Variants in CSMD1 observed in about 807,000 individuals in gnomAD.
The protein encoded by CSMD1 is CUB and sushi domain-containing protein 1.
In CSMD1, 213 loss-of-function variants were observed where a neutral mutation model predicts 417.5. That is an observed-to-expected ratio of 0.51 (90% CI 0.46 to 0.57). The LOEUF is 0.57. CSMD1 is among the 20% of genes least tolerant of loss of function. The probability of loss-of-function intolerance (pLI) is 0.00; values close to 1 mark genes in which losing one functional copy is unlikely to be tolerated. For missense variants in CSMD1, 6,923 were observed against 4,529.7 expected (o/e 1.53, Z -15.17); for synonymous variants, 2,862 against 1,736.8 (o/e 1.65, Z -16.11).
intron 7 of CSMD1, 144 bp downstream of exon 7, chr8:3,708,270 C>T: frequency 1.5e-6 from 1 of 664,120 alleles, no homozygotes; most frequent in South Asian, 1.9e-5. Flanking sequence ...CATGTTCTTT[C>T]TCCCAGAAAA....
rs17065981 is a variant in CSMD1 at position 3,369,677 on chromosome 8, C to T, written c.2783-307G>A. Among the ~76,000 whole-genome samples the T allele has an allele frequency of 1.0e-2, 1,517 of 152,278 alleles. 31 individuals carry two copies. The highest frequency in any genetic ancestry group is 0.035 in the African/African-American group (1,441 of 41,552). On this transcript the variant is annotated intron_variant, in intron 18 of 69. Transcript: ENST00000635120. ...GGTACAGGTTTGCACTCCTGAGAGC[C>T]GCTGGTCTTCTTAGCAGCACTTCAT...
At chr8:4,609,675 G>C (rs890894324) in intron 2 of CSMD1, among the ~76,000 whole-genome samples, 2 of 152,102 alleles carry the variant, frequency 1.3e-5, no homozygotes. Context: ...ATTTTACGCT[G>C]CAGATTGTAC....
chr8:3,527,344 G>C (rs1434804764), intron 10 of CSMD1, among the ~76,000 whole-genome samples: 1 of 152,110 alleles, frequency 6.6e-6, no homozygotes, highest in Non-Finnish European at 1.5e-5. Context: ...CTTTCAAAAA[G>C]CCATTCTAAA....
At chr8:4,167,752 G>T (rs777888995) in intron 3 of CSMD1, among the ~76,000 whole-genome samples, 1 of 152,200 alleles carries the variant, frequency 6.6e-6, no homozygotes, top group Non-Finnish European at 1.5e-5. Context: ...CACTTTTAGA[G>T]ACCAAGGCAG....
chr8:4,388,354 G>A (rs1008303717), intron 3 of CSMD1, among the ~76,000 whole-genome samples: 4 of 143,502 alleles, frequency 2.8e-5, no homozygotes, highest in Admixed American at 2.1e-4. Flanking sequence ...ACGAACACAT[G>A]ATGGACTGCT....
chr8:4,155,539 G>C (rs1402578968), intron 3 of CSMD1, among the ~76,000 whole-genome samples: 4 of 152,142 alleles, frequency 2.6e-5, no homozygotes, highest in Non-Finnish European at 2.9e-5. Flanking sequence ...AAAAAGTTAA[G>C]TCTTAGGCCA....
At chr8:4,372,945 C>G (rs991307338) in intron 3 of CSMD1, among the ~76,000 whole-genome samples, 3 of 152,180 alleles carry the variant, frequency 2.0e-5, no homozygotes, top group Non-Finnish European at 4.4e-5. Context: ...TGATTTGCTT[C>G]CGAAGAGTGC....
At position 4,935,570 on chromosome 8, in the gene CSMD1, A is replaced by G. The variant is rs771392642; in HGVS notation, c.85+58762T>C. On this transcript the variant is annotated intron_variant, in intron 1 of 69. Coordinates refer to ENST00000635120, the MANE Select transcript of CSMD1 (RefSeq NM_033225.6). ...GTTATACACTTTTTTCTGAATTTCA[A>G]TATTTTCAGCAAAAAGTCTATAAGC... Among the ~76,000 whole-genome samples, 12 of 152,354 alleles carry G rather than the reference A, an allele frequency of 7.9e-5. No individual in the cohort carries two copies. The South Asian group carries it at 1.0e-3, about 13-fold the overall frequency.
In CSMD1 at chr8:3,205,544, A is replaced by C. The variant is rs775380377; in HGVS notation, c.4944T>G (p.Gly1648=). ...CCGTGATGGAATAGAGGCATATTTGACCAGCTGTGTAATTATGGGGGTAGT... is the reference window on the plus strand; with the variant it reads ...CCGTGATGGAATAGAGGCATATTTGCCCAGCTGTGTAATTATGGGGGTAGT... The part of the protein sequence containing the change: ...SPNYPHNYTA[G]QICLYSITVP... The change falls in exon 31 of 70, where the codon GGT becomes GGG. Residue 1648 remains glycine (G), a synonymous_variant. Coordinates refer to ENST00000635120, the MANE Select transcript of CSMD1 (RefSeq NM_033225.6). 15 of 1,601,398 alleles carry C rather than the reference A, an allele frequency of 9.4e-6. No individual in the cohort carries two copies. The South Asian group carries it at 1.7e-4, about 18-fold the overall frequency.
chr8:3,144,806 AG>A (rs1563083876), intron 40 of CSMD1, among the ~76,000 whole-genome samples: 2 of 18,300 alleles, frequency 1.1e-4, no homozygotes, highest in African/African-American at 4.1e-4. Flanking sequence ...GGGGGGGGGG[AG>A]GGAGGGAGGG....
intron 6 of CSMD1, among the ~76,000 whole-genome samples, chr8:3,752,660 C>T (rs1271581672): frequency 6.9e-6 from 1 of 144,272 alleles, no homozygotes; most frequent in African/African-American, 2.6e-5. Context: ...TCCACTGCCA[C>T]CCACTCCCCG....
intron 5 of CSMD1, among the ~76,000 whole-genome samples, chr8:3,870,155 A>G (rs1239354436): frequency 6.6e-6 from 1 of 152,184 alleles, no homozygotes; most frequent in African/African-American, 2.4e-5. Context: ...TTATTTTACA[A>G]TTTGAATCTT....
chr8:4,901,787 G>GCATAATAAATATTTATATTTATTAT (rs1202310537), intron 1 of CSMD1, among the ~76,000 whole-genome samples: 3 of 152,112 alleles, frequency 2.0e-5, no homozygotes, highest in Admixed American at 2.0e-4. Flanking sequence ...TTCCTTGGAG[G>GCATAATAAATATTTATATTTATTAT]GAGGCACAAT....
intron 1 of CSMD1, among the ~76,000 whole-genome samples, chr8:4,955,619 C>G (rs543924219): frequency 6.6e-6 from 1 of 152,210 alleles, no homozygotes; most frequent in South Asian, 2.1e-4. Context: ...CTACACCCGG[C>G]TAATTTTTGT....
In CSMD1 at chr8:3,458,850, C is replaced by T. The variant is rs942842577; in HGVS notation, c.1561+9862G>A. On this transcript the variant is annotated intron_variant, in intron 12 of 69. Transcript: ENST00000635120. ...AAAATGGGGCTCTTTCTCAAGGACT[C>T]GAGGACACACAAAACACTCTAGGAA... is the stretch of plus-strand genomic sequence containing the variant. Among the ~76,000 whole-genome samples, 6 of 152,184 alleles carry T rather than the reference C, an allele frequency of 3.9e-5. No homozygotes were observed. The East Asian group carries it at 5.8e-4, about 15-fold the overall frequency.
intron 3 of CSMD1, among the ~76,000 whole-genome samples, chr8:4,211,877 C>T (rs1254365835): frequency 2.0e-5 from 3 of 152,276 alleles, no homozygotes; most frequent in Admixed American, 6.5e-5. Flanking sequence ...AACCCAACAT[C>T]ATATCTACAG....
intron 5 of CSMD1, among the ~76,000 whole-genome samples, chr8:3,850,551 C>T (rs1267795220): frequency 1.3e-5 from 2 of 152,014 alleles, no homozygotes; most frequent in Non-Finnish European, 2.9e-5. Flanking sequence ...AAAAATTAGC[C>T]GGGCATGATG....
chr8:4,538,753 G>A (rs963406387), intron 2 of CSMD1, among the ~76,000 whole-genome samples: 4 of 152,286 alleles, frequency 2.6e-5, no homozygotes, highest in South Asian at 4.1e-4. Context: ...TTGATGAAGG[G>A]ATTTGATGAA....
intron 5 of CSMD1, among the ~76,000 whole-genome samples, chr8:3,883,211 G>C (rs78673743): frequency 1.3e-5 from 2 of 152,076 alleles, no homozygotes; most frequent in East Asian, 3.9e-4. Context: ...TACTAGATAC[G>C]TGTCCTTGAA....
Sources: allele counts gnomAD v4.1 joint callset (sites outside exome capture counted in the v4.1 genomes callset), GRCh38; gene constraint gnomAD v4.1.1; transcripts MANE v1.5; gene names NCBI Gene and HGNC (gene_info 2026-07-23, HGNC 2026-07-21).